The following DGKI variants were observed in gnomAD, a reference collection of about 807,000 sequenced individuals.
DGKI encodes the protein diacylglycerol kinase iota, also known as DAG kinase iota.
Under a neutral mutation model 147.5 loss-of-function variants are expected in DGKI, and 55 were observed. That is an observed-to-expected ratio of 0.37 (90% CI 0.30 to 0.47). The LOEUF (loss-of-function observed/expected upper bound fraction) is 0.47. Ranked by LOEUF, DGKI falls within the 20% of genes least tolerant of loss-of-function variation. DGKI has a pLI of 1.00. For synonymous variants in DGKI, 469 were observed against 477.1 expected (o/e 0.98, Z 0.22); for missense variants, 1,007 against 1,323.8 (o/e 0.76, Z 3.71).
At chr7:137,633,206 C>T (rs1448384298) in intron 6 of DGKI, among the ~76,000 whole-genome samples, 1 of 126,018 alleles carries the variant, frequency 7.9e-6, no homozygotes, top group East Asian at 2.2e-4. Flanking sequence ...GAGCGAAACT[C>T]GTTCTCAAAA....
intron 6 of DGKI, among the ~76,000 whole-genome samples, chr7:137,627,562 C>A (rs549670397): frequency 6.6e-6 from 1 of 152,294 alleles, no homozygotes; most frequent in East Asian, 1.9e-4. Context: ...AAAAAACTAA[C>A]CCCTACAGCC....
At chr7:137,636,933 A>G (rs1343177085) in intron 6 of DGKI, among the ~76,000 whole-genome samples, 1 of 152,192 alleles carries the variant, frequency 6.6e-6, no homozygotes, top group Non-Finnish European at 1.5e-5. Context: ...AGCCCTCACC[A>G]GATGCTGGTG....
chr7:137,453,922 TTG>T (rs1707090322), intron 27 of DGKI, among the ~76,000 whole-genome samples: 1 of 140,752 alleles, frequency 7.1e-6, no homozygotes, highest in African/African-American at 2.8e-5. Context: ...TTGAAATATC[TTG>T]TTTTTTTTTT....
At chr7:137,406,447 G>T (rs759708757) in intron 30 of DGKI, among the ~76,000 whole-genome samples, 1 of 152,130 alleles carries the variant, frequency 6.6e-6, no homozygotes, top group Admixed American at 6.5e-5. Context: ...CAGCCTACAA[G>T]GAGTAAAGAA....
rs761342025 is a variant in DGKI, at chr7:137,619,829, G to A, written c.988C>T (p.Pro330Ser). Residue 330 changes from proline (P) to serine (S), a missense_variant, in exon 8 of 33, where the codon CCT becomes TCT. By Grantham distance (74) the Pro-to-Ser change is moderately conservative. This residue lies in a region of DGKI where 259 missense variants were observed against 362.5 expected (regional missense o/e 0.71). Coordinates refer to ENST00000614521, the MANE Select transcript of DGKI (RefSeq NM_001321708.2). ...ACCAGAGTCCTGGCAGTTACCTGAG[G>A]TTTCTTCACCTTAATGATCCAAGTG... ...PPTWIIKVKK[P>S]QNSLKASNRK... 4 of 1,613,034 alleles carry A rather than the reference G, an allele frequency of 2.5e-6. No individual in the cohort carries two copies. The highest frequency in any genetic ancestry group is 2.5e-6 in the Non-Finnish European group (3 of 1,179,400).
intron 17 of DGKI, 74 bp from the exon 18 acceptor site, chr7:137,572,912 G>T: frequency 9.6e-7 from 1 of 1,045,766 alleles, no homozygotes; most frequent in Non-Finnish European, 1.4e-6. Flanking sequence ...TAACTAGTTT[G>T]ACAATAGTAC....
rs1260448746 is a variant in DGKI, at chr7:137,382,190, G to A, written c.*9030C>T. The A allele has an allele frequency of 6.6e-6, 1 of 152,052 alleles. No individual in the cohort carries two copies. Among genetic ancestry groups the A allele is most frequent in the Non-Finnish European group, 1.5e-5 (1 of 68,004 alleles). The allele number at this position is 152,052 out of a possible 1,614,324, so 9.4% of individuals were successfully genotyped here. A position where few individuals can be genotyped will look rare whatever the true frequency, so the allele number is the denominator to read the frequency against. On this transcript the variant is annotated 3_prime_UTR_variant, in exon 33 of 33. Transcript: ENST00000614521. ...AGGACTATCCTATCTGTATGTGTGT[G>A]TTTTATAAGTGAAGAGTAAAGACAA...
At chr7:137,411,245 T>C (rs1175152987) in intron 29 of DGKI, among the ~76,000 whole-genome samples, 1 of 152,162 alleles carries the variant, frequency 6.6e-6, no homozygotes, top group Non-Finnish European at 1.5e-5. Flanking sequence ...AGCAGGGGGT[T>C]TGCAGGGGCA....
Position 137,678,464 on chromosome 7 carries a change from G to A in DGKI, c.606+93C>T, listed in dbSNP as rs577828245. Reference sequence around the variant, plus strand: ...TTTTCCATCTCACAAGGACAGGCTCGTTCAAACCTCCCCTTGGAAATTTAG... The same window carrying A: ...TTTTCCATCTCACAAGGACAGGCTCATTCAAACCTCCCCTTGGAAATTTAG... On this transcript the variant is annotated intron_variant, in intron 3 of 32. Coordinates refer to ENST00000614521, the MANE Select transcript of DGKI (RefSeq NM_001321708.2). The A allele has an allele frequency of 4.7e-5, 59 of 1,256,822 alleles. 2 individuals are homozygous for A. The highest frequency in any genetic ancestry group is 4.6e-4 in the South Asian group (38 of 82,398). 77.9% of individuals were successfully genotyped at this position (1,256,822 alleles called of 1,614,324 possible).
intron 28 of DGKI, among the ~76,000 whole-genome samples, chr7:137,425,052 T>C (rs554854519): frequency 1.3e-5 from 2 of 152,036 alleles, no homozygotes; most frequent in Non-Finnish European, 2.9e-5. Flanking sequence ...CTCCCCAGCA[T>C]GCAGCTGGAG....
chr7:137,552,043 C>G (rs1728442), intron 20 of DGKI, among the ~76,000 whole-genome samples: 16,630 of 152,148 alleles, frequency 0.11, 2,053 homozygotes, highest in African/African-American at 0.3. Context: ...CAAACAAAAA[C>G]GCATTTACCT....
intron 20 of DGKI, among the ~76,000 whole-genome samples, chr7:137,525,612 G>A (rs920157532): frequency 6.6e-6 from 1 of 152,056 alleles, no homozygotes; most frequent in African/African-American, 2.4e-5. Flanking sequence ...TTTCCTCATA[G>A]GTAAAGTGGA....
chr7:137,740,108 C>T (rs758589481), intron 1 of DGKI, among the ~76,000 whole-genome samples: 1 of 152,162 alleles, frequency 6.6e-6, no homozygotes, highest in East Asian at 1.9e-4. Flanking sequence ...TACTTAAATC[C>T]TTACATCAGG....
At chr7:137,786,520 T>C (rs1796673839) in intron 1 of DGKI, among the ~76,000 whole-genome samples, 1 of 152,022 alleles carries the variant, frequency 6.6e-6, no homozygotes, top group Non-Finnish European at 1.5e-5. Context: ...GTAGAATCAA[T>C]ATTGTGAAAA....
At chr7:137,541,887 G>GA (rs376566527) in intron 20 of DGKI, among the ~76,000 whole-genome samples, 44 of 142,486 alleles carry the variant, frequency 3.1e-4, no homozygotes, top group Middle Eastern at 3.5e-3. Context: ...ACTCTATAAA[G>GA]AAAAAAAAAA....
chr7:137,414,925 A>G (rs530831742), intron 28 of DGKI, among the ~76,000 whole-genome samples: 3 of 152,332 alleles, frequency 2.0e-5, no homozygotes, highest in South Asian at 4.1e-4. Flanking sequence ...AGTTAGGATA[A>G]AATTTTTAAA....
chr7:137,654,024 TA>T (rs1386241331), intron 5 of DGKI, among the ~76,000 whole-genome samples: 1 of 152,216 alleles, frequency 6.6e-6, no homozygotes, highest in Non-Finnish European at 1.5e-5. Flanking sequence ...CTGTCTCTGC[TA>T]AATAAAATGT....
At position 137,581,868 on chromosome 7, in the gene DGKI, C is replaced by T; in HGVS notation, c.1624G>A (p.Glu542Lys). The T allele has an allele frequency of 6.2e-7, 1 of 1,613,308 alleles. No homozygotes were observed. The stretch of plus-strand genomic sequence containing the variant: ...TCCTCACCTCTGGATTCATGGAACT[C>T]CAGTGTGACATGGGCATCAAATCCA... ...SLGFDAHVTL[E>K]FHESREANPE... is the part of the protein sequence containing the mutation. Residue 542 changes from glutamate to lysine, a missense_variant, in exon 15 of 33, where the codon GAG becomes AAG. By Grantham distance (56) the Glu-to-Lys change is moderately conservative. Coordinates refer to ENST00000614521, the MANE Select transcript of DGKI (RefSeq NM_001321708.2).
chr7:137,699,947 A>C lies in DGKI; in HGVS notation c.402-9945T>G, dbSNP rs577978296. 3.9e-5 allele frequency among the ~76,000 whole-genome samples: 6 copies of C among 152,368 alleles called. No homozygotes were observed. The South Asian group carries it at 1.2e-3, about 32-fold the overall frequency. ...AGAAGGGACTCATAAAAATGAAAAA[A>C]TCCTGCATGACCCTAAGGAATGGAG... On this transcript the variant is annotated intron_variant, in intron 1 of 32. Transcript: ENST00000614521.
Sources: allele counts gnomAD v4.1 joint callset (sites outside exome capture counted in the v4.1 genomes callset), GRCh38; gene constraint gnomAD v4.1.1; regional missense constraint gnomAD v4.1.1; transcripts MANE v1.5; gene names NCBI Gene and HGNC (gene_info 2026-07-23, HGNC 2026-07-21).